The following HIVEP3 variants were observed in gnomAD, a reference collection of about 807,000 sequenced individuals.
HIVEP3 encodes the protein transcription factor HIVEP3.
A neutral mutation model predicts 152.8 loss-of-function variants in HIVEP3; 49 were observed. That is an observed-to-expected ratio of 0.32 (90% CI 0.26 to 0.41). HIVEP3 has a LOEUF of 0.41. Among genes scored for constraint, HIVEP3 ranks in the 10% least tolerant of loss-of-function variants. The pLI is 1.00. For synonymous variants in HIVEP3, 1,269 were observed against 1,289.0 expected (o/e 0.98, Z 0.33); for missense variants, 2,790 against 3,103.3 (o/e 0.90, Z 2.40).
intron 2 of HIVEP3, among the ~76,000 whole-genome samples, chr1:41,658,922 A>T (rs1248269018): frequency 6.6e-6 from 1 of 152,192 alleles, no homozygotes; most frequent in Non-Finnish European, 1.5e-5. Flanking sequence ...GGTAGAGCTA[A>T]GAGGGTCCTT....
intron 1 of HIVEP3, among the ~76,000 whole-genome samples, chr1:41,829,933 T>C (rs1642914117): frequency 6.6e-6 from 1 of 152,256 alleles, no homozygotes; most frequent in East Asian, 1.9e-4. Flanking sequence ...ATCATTTGCA[T>C]GTACAAGGCA....
intron 5 of HIVEP3, among the ~76,000 whole-genome samples, chr1:41,527,265 G>GCCACACCCCTGCA (rs1643002560): frequency 1.3e-4 from 5 of 38,896 alleles, no homozygotes; most frequent in Admixed American, 2.6e-4. Context: ...ACCCTCACAT[G>GCCACACCCCTGCA]CTCACCCTCA....
chr1:41,624,834 C>T (rs1645093330), intron 3 of HIVEP3, among the ~76,000 whole-genome samples: 3 of 152,164 alleles, frequency 2.0e-5, no homozygotes, highest in Admixed American at 6.5e-5. Flanking sequence ...AAGCTGTTAA[C>T]AATCTGTCAC....
intron 1 of HIVEP3, among the ~76,000 whole-genome samples, chr1:41,936,759 C>T (rs942112819): frequency 6.6e-6 from 1 of 152,138 alleles, no homozygotes; most frequent in African/African-American, 2.4e-5. Flanking sequence ...TCTGAATTAA[C>T]CATATCAGTA....
At chr1:41,942,000 A>G (rs1224807558) in intron 1 of HIVEP3, among the ~76,000 whole-genome samples, 1 of 152,214 alleles carries the variant, frequency 6.6e-6, no homozygotes, top group Non-Finnish European at 1.5e-5. Flanking sequence ...AAAAAATAAT[A>G]TTAATAATAA....
At chr1:41,861,784 T>C (rs1189674345) in intron 1 of HIVEP3, among the ~76,000 whole-genome samples, 3 of 152,194 alleles carry the variant, frequency 2.0e-5, no homozygotes, top group Admixed American at 6.5e-5. Flanking sequence ...AGTTGGAGAC[T>C]TGTGAACAGC....
At chr1:41,570,608 T>A (rs1218154285) in intron 5 of HIVEP3, among the ~76,000 whole-genome samples, 3 of 152,152 alleles carry the variant, frequency 2.0e-5, no homozygotes, top group Admixed American at 6.5e-5. Context: ...TCTTGGGCAG[T>A]TCTTTATAGC....
intron 1 of HIVEP3, among the ~76,000 whole-genome samples, chr1:42,030,717 C>A (rs1287261993): frequency 1.3e-5 from 2 of 152,178 alleles, no homozygotes; most frequent in Non-Finnish European, 2.9e-5. Context: ...CACTGCCAAG[C>A]CTCTCCTATT....
chr1:41,966,678 T>G (rs1645200632), intron 1 of HIVEP3, among the ~76,000 whole-genome samples: 1 of 151,280 alleles, frequency 6.6e-6, no homozygotes, highest in Admixed American at 6.6e-5. Flanking sequence ...AGACGGGGTT[T>G]CACCATGTTA....
chr1:41,898,331 G>A (rs1644567050), intron 1 of HIVEP3, among the ~76,000 whole-genome samples: 2 of 152,184 alleles, frequency 1.3e-5, no homozygotes, highest in Non-Finnish European at 2.9e-5. Flanking sequence ...AGTCTCCCTG[G>A]AGGGGGAGGG....
intron 1 of HIVEP3, among the ~76,000 whole-genome samples, chr1:41,764,805 TCCG>T (rs1647908446): frequency 6.6e-6 from 1 of 152,082 alleles, no homozygotes; most frequent in Non-Finnish European, 1.5e-5. Context: ...TTTTTGACAA[TCCG>T]TCAGCTGAGT....
At chr1:41,755,292 CA>C (rs2124232080) in intron 1 of HIVEP3, among the ~76,000 whole-genome samples, 1 of 152,112 alleles carries the variant, frequency 6.6e-6, no homozygotes, top group African/African-American at 2.4e-5. Flanking sequence ...CCACTTTATA[CA>C]AAATTTCATC....
intron 2 of HIVEP3, among the ~76,000 whole-genome samples, chr1:41,680,005 T>C (rs1022924426): frequency 6.6e-6 from 1 of 152,208 alleles, no homozygotes; most frequent in Non-Finnish European, 1.5e-5. Context: ...TCCATGACTA[T>C]ACCCTGTGCC....
chr1:41,809,242 G>A (rs998556709), intron 1 of HIVEP3, among the ~76,000 whole-genome samples: 4 of 152,232 alleles, frequency 2.6e-5, no homozygotes, highest in African/African-American at 9.6e-5. Flanking sequence ...CTCTGGGATG[G>A]TTACCATGTT....
chr1:41,961,604 G>A (rs1474278647), intron 1 of HIVEP3, among the ~76,000 whole-genome samples: 1 of 152,222 alleles, frequency 6.6e-6, no homozygotes, highest in Non-Finnish European at 1.5e-5. Flanking sequence ...CCAGACCTTA[G>A]CCAACTGCCT....
intron 1 of HIVEP3, among the ~76,000 whole-genome samples, chr1:41,948,266 C>T (rs1409421941): frequency 6.6e-6 from 1 of 152,192 alleles, no homozygotes; most frequent in Non-Finnish European, 1.5e-5. Context: ...AACTAATAGC[C>T]CTCACTCGGG....
rs1169337826 is a variant in HIVEP3 at position 41,583,522 on chromosome 1, C to G, written c.1276G>C (p.Gly426Arg). 1 of 1,613,934 alleles carries G rather than the reference C, an allele frequency of 6.2e-7. No individual in the cohort carries two copies. The highest frequency in any genetic ancestry group is 1.7e-5 in the Admixed American group (1 of 60,000). ...EIIFGKCGRI[G>R]QRTAMLTATS... ...GCTGTCAGCATGGCGGTCCGCTGTC[C>G]TATTCGCCCACACTTGCCAAAGATG... The change falls in exon 4 of 9, where the codon GGA becomes CGA. Residue 426 changes from glycine to arginine, a missense_variant. Gly to Arg is a moderately radical substitution (Grantham distance 125). This residue lies in a region of HIVEP3 where 134 missense variants were observed against 242.5 expected (regional missense o/e 0.55). Coordinates refer to ENST00000372583, the MANE Select transcript of HIVEP3 (RefSeq NM_024503.5). This position sits in a 1 kb window ranked among gnomAD's most constrained non-coding sequence, Gnocchi z 6.9.
At chr1:41,639,396 T>G (rs1202778503) in intron 2 of HIVEP3, among the ~76,000 whole-genome samples, 2 of 152,192 alleles carry the variant, frequency 1.3e-5, no homozygotes, top group African/African-American at 4.8e-5. Flanking sequence ...GACCCTGGTT[T>G]CATCCATTAC....
At chr1:41,659,682 G>A (rs1459085948) in intron 2 of HIVEP3, among the ~76,000 whole-genome samples, 2 of 152,238 alleles carry the variant, frequency 1.3e-5, no homozygotes, top group Non-Finnish European at 2.9e-5. Flanking sequence ...AACAGCACAG[G>A]AGACGCCAGA....
Sources: gnomAD v4.1 joint callset for allele counts (sites outside exome capture counted in the v4.1 genomes callset) on GRCh38, gnomAD v4.1.1 for gene constraint, gnomAD v4.1.1 regional missense constraint, Gnocchi (gnomAD v3.1) non-coding constraint, MANE v1.5 for transcripts, NCBI Gene and HGNC (gene_info 2026-07-23, HGNC 2026-07-21) for gene names.